Variants in SAMD5 observed in about 807,000 individuals in gnomAD.
SAMD5 encodes sterile alpha motif domain-containing protein 5.
A neutral mutation model predicts 11.3 loss-of-function variants in SAMD5; 13 were observed. The observed-to-expected ratio is 1.15, with a 90% CI of 0.75 to 1.83. The LOEUF (loss-of-function observed/expected upper bound fraction) is 1.83. Ranked by LOEUF, SAMD5 falls within the 40% of genes most tolerant of loss-of-function variation. SAMD5 has a pLI of 0.00. For missense variants in SAMD5, 255 were observed against 239.1 expected (o/e 1.07, Z -0.44); for synonymous variants, 129 against 111.3 (o/e 1.16, Z -1.00).
chr6:147,620,633 G>A (rs1352631615), intron 1 of SAMD5, among the ~76,000 whole-genome samples: 1 of 152,188 alleles, frequency 6.6e-6, no homozygotes, highest in African/African-American at 2.4e-5. Context: ...GAGTGATTTC[G>A]TGAAGGATAC....
intron 1 of SAMD5, among the ~76,000 whole-genome samples, chr6:147,645,324 C>T (rs571372784): frequency 2.6e-5 from 4 of 152,224 alleles, no homozygotes; most frequent in African/African-American, 7.2e-5. Context: ...ACATTCCAAT[C>T]AGCATCACCC....
chr6:147,616,513 C>T (rs1789875967), intron 1 of SAMD5, among the ~76,000 whole-genome samples: 1 of 151,926 alleles, frequency 6.6e-6, no homozygotes, highest in South Asian at 2.1e-4. Context: ...TAGTTCTATT[C>T]ACTAGCCATA....
chr6:147,858,814 A>G, the SAMD5 span, among the ~76,000 whole-genome samples: 1 of 152,228 alleles, frequency 6.6e-6, no homozygotes, highest in African/African-American at 2.4e-5. Context: ...TTTCCTCTGT[A>G]GTTCATTGAT....
At chr6:147,697,573 G>A (rs1791194169) in intron 1 of SAMD5, among the ~76,000 whole-genome samples, 1 of 152,052 alleles carries the variant, frequency 6.6e-6, no homozygotes, top group Non-Finnish European at 1.5e-5. Context: ...AATTATTTTT[G>A]TTGTACTAAA....
the SAMD5 span, among the ~76,000 whole-genome samples, chr6:147,788,482 G>A: frequency 6.6e-6 from 1 of 152,160 alleles, no homozygotes; most frequent in Non-Finnish European, 1.5e-5. Context: ...GTTTTTAAAT[G>A]TGGCTATAAA....
At chr6:147,615,673 G>A (rs529425059) in intron 1 of SAMD5, among the ~76,000 whole-genome samples, 1 of 152,270 alleles carries the variant, frequency 6.6e-6, no homozygotes, top group East Asian at 1.9e-4. Context: ...GCAAGTATTA[G>A]CACAATCCAA....
chr6:147,908,849 G>A, the SAMD5 span, among the ~76,000 whole-genome samples: 1 of 152,228 alleles, frequency 6.6e-6, no homozygotes, highest in African/African-American at 2.4e-5. Flanking sequence ...GACTGAAGAA[G>A]CCCCAAAAGT....
intron 1 of SAMD5, among the ~76,000 whole-genome samples, chr6:147,580,492 C>G (rs1030125065): frequency 1.3e-5 from 2 of 152,202 alleles, no homozygotes; most frequent in African/African-American, 2.4e-5. Flanking sequence ...TTTGTCTAGA[C>G]TAGCACTGTC....
At chr6:147,919,786 C>T in the SAMD5 span, among the ~76,000 whole-genome samples, 1 of 152,118 alleles carries the variant, frequency 6.6e-6, no homozygotes, top group Non-Finnish European at 1.5e-5. Flanking sequence ...GATGTAAAAT[C>T]ATAAAACTTT....
the SAMD5 span, among the ~76,000 whole-genome samples, chr6:147,794,559 GT>G: frequency 2.8e-4 from 43 of 151,956 alleles, no homozygotes; most frequent in Non-Finnish European, 5.3e-4. Flanking sequence ...TTACATTTTT[GT>G]AAAAAACATA....
chr6:147,630,533 C>T (rs1412797842), intron 1 of SAMD5, among the ~76,000 whole-genome samples: 1 of 152,036 alleles, frequency 6.6e-6, no homozygotes, highest in Non-Finnish European at 1.5e-5. Flanking sequence ...AAAGCTCCCC[C>T]ACTGAGTATC....
At chr6:147,836,459 C>T in the SAMD5 span, among the ~76,000 whole-genome samples, 1 of 152,192 alleles carries the variant, frequency 6.6e-6, no homozygotes, top group Non-Finnish European at 1.5e-5. Flanking sequence ...ACCTACCAAA[C>T]ATCGCAGCTT....
chr6:147,582,506 G>A lies in SAMD5; in HGVS notation c.162+73119G>A, dbSNP rs935914152. Reference sequence around the variant, plus strand: ...ATGTTTGAATGGGGCTAATGTAAACGTTCTCATAAAAAGCATCCCAGTCCA... The same window carrying A: ...ATGTTTGAATGGGGCTAATGTAAACATTCTCATAAAAAGCATCCCAGTCCA... On this transcript the variant is annotated intron_variant, in intron 1 of 1. Transcript: ENST00000566741. 1.1e-4 allele frequency among the ~76,000 whole-genome samples: 17 copies of A among 152,242 alleles called. 1 individual carries two copies. Among genetic ancestry groups the A allele is most frequent in the African/African-American group, 2.6e-4 (11 of 41,544 alleles).
intron 1 of SAMD5, among the ~76,000 whole-genome samples, chr6:147,624,160 G>A (rs1040665663): frequency 2.6e-5 from 4 of 152,176 alleles, no homozygotes; most frequent in Non-Finnish European, 4.4e-5. Flanking sequence ...GAGCCACTGC[G>A]CCTGACCAAA....
chr6:147,528,645 T>C (rs1158080948), intron 1 of SAMD5, among the ~76,000 whole-genome samples: 1 of 152,170 alleles, frequency 6.6e-6, no homozygotes, highest in Non-Finnish European at 1.5e-5. Flanking sequence ...CCACCTGACT[T>C]AGAAAGTTAT....
At chr6:147,919,530 T>A in the SAMD5 span, among the ~76,000 whole-genome samples, 1 of 152,234 alleles carries the variant, frequency 6.6e-6, no homozygotes, top group Non-Finnish European at 1.5e-5. Flanking sequence ...TGGCAAAGAT[T>A]CATTGGCATT....
the SAMD5 span, among the ~76,000 whole-genome samples, chr6:147,810,450 C>G: frequency 6.6e-6 from 1 of 152,128 alleles, no homozygotes; most frequent in African/African-American, 2.4e-5. Flanking sequence ...TGACCCTGCC[C>G]CAGTGAGGCA....
At chr6:147,658,834 T>C (rs78543466) in intron 1 of SAMD5, among the ~76,000 whole-genome samples, 29 of 152,336 alleles carry the variant, frequency 1.9e-4, no homozygotes, top group African/African-American at 6.3e-4. Context: ...CTAGTAGTTA[T>C]TGAGTGTTCT....
chr6:147,728,909 A>G (rs957563645), intron 1 of SAMD5, among the ~76,000 whole-genome samples: 2 of 152,250 alleles, frequency 1.3e-5, no homozygotes, highest in Admixed American at 1.3e-4. Flanking sequence ...TAAATATGAT[A>G]AAAGTGTTCT....
Sources: gnomAD v4.1 joint callset for allele counts (sites outside exome capture counted in the v4.1 genomes callset) on GRCh38, gnomAD v4.1.1 for gene constraint, MANE v1.5 for transcripts, NCBI Gene and HGNC (gene_info 2026-07-23, HGNC 2026-07-21) for gene names.